LRRC27: variants seen among roughly 807,000 people sequenced by gnomAD.
LRRC27 encodes leucine-rich repeat-containing protein 27.
A neutral mutation model predicts 55.0 loss-of-function variants in LRRC27; 57 were observed. The observed-to-expected ratio is 1.04, with a 90% CI of 0.84 to 1.29. LRRC27 has a LOEUF of 1.29. LRRC27 is among the 50% of genes most tolerant of loss of function. The pLI is 0.00. For missense variants in LRRC27, 721 were observed against 651.5 expected (o/e 1.11, Z -1.16); for synonymous variants, 278 against 251.9 (o/e 1.10, Z -0.98).
chr10:132,352,724 C>G (rs1318214979), intron 7 of LRRC27, among the ~76,000 whole-genome samples: 1 of 151,794 alleles, frequency 6.6e-6, no homozygotes, highest in Non-Finnish European at 1.5e-5. Context: ...CAGGGCGTTG[C>G]GTGCATGGGC....
At chr10:132,357,521 G>A (rs1457223693) in intron 8 of LRRC27, among the ~76,000 whole-genome samples, 1 of 152,228 alleles carries the variant, frequency 6.6e-6, no homozygotes, top group African/African-American at 2.4e-5. Flanking sequence ...TGGCTTGCAA[G>A]TGTCTTGAAG....
In LRRC27 at chr10:132,361,594, C is replaced by T. The variant is rs111322424; in HGVS notation, c.1289+19C>T. On this transcript the variant is annotated intron_variant, in intron 9 of 10. Coordinates refer to ENST00000368614, the MANE Select transcript of LRRC27 (RefSeq NM_030626.3). ...AAATGAGGTTGGTAACTGCAACTGG[C>T]ACTCAGTCCTTCCAGGGCTCAGCCA... 3.2e-6 allele frequency: 5 copies of T among 1,562,144 alleles called. No individual in the cohort carries two copies. In the East Asian group the frequency reaches 9.0e-5, roughly 28 times the overall value.
chr10:132,355,980 A>T (rs1310478554), intron 8 of LRRC27, 94 bp downstream of exon 8: 5 of 867,766 alleles, frequency 5.8e-6, no homozygotes, highest in Non-Finnish European at 7.3e-6. Flanking sequence ...ATGAGCCGAG[A>T]CCTGGGGGTG....
upstream of LRRC27, chr10:132,331,875 AGGCGCACC>A: frequency 8.1e-7 from 1 of 1,237,802 alleles, no homozygotes; most frequent in Non-Finnish European, 1.1e-6. Flanking sequence ...GTGCGTGCGC[AGGCGCACC>A]ACCCCCTGCC....
intron 3 of LRRC27, among the ~76,000 whole-genome samples, chr10:132,337,919 C>A (rs1180508471): frequency 6.6e-6 from 1 of 152,230 alleles, no homozygotes; most frequent in Non-Finnish European, 1.5e-5. Context: ...GCCACAGTGT[C>A]TTTTTGCTGG....
chr10:132,332,635 G>C (rs1199661075), intron 1 of LRRC27: 1 of 152,128 alleles, frequency 6.6e-6, no homozygotes, highest in Non-Finnish European at 1.5e-5. Flanking sequence ...GTGATTCGGA[G>C]AAAACAAGTG....
Position 132,355,983 on chromosome 10 carries a change from T to C in LRRC27, c.1170+97T>C. ...TGTCCATGGAGGATGAGCCGAGACC[T>C]GGGGGTGTGGGTGGGTGCTCACACG... On this transcript the variant is annotated intron_variant, in intron 8 of 10. Coordinates refer to ENST00000368614, the MANE Select transcript of LRRC27 (RefSeq NM_030626.3). The C allele has an allele frequency of 3.7e-6, 3 of 817,570 alleles. No homozygotes were observed. In the South Asian group the frequency reaches 4.7e-5, roughly 13 times the overall value. 50.6% of individuals were successfully genotyped at this position (817,570 alleles called of 1,614,324 possible). A position where few individuals can be genotyped will look rare whatever the true frequency, so the allele number is the denominator to read the frequency against.
intron 8 of LRRC27, among the ~76,000 whole-genome samples, chr10:132,360,580 C>T (rs1366668125): frequency 1.3e-5 from 2 of 152,070 alleles, no homozygotes; most frequent in Admixed American, 6.5e-5. Flanking sequence ...GTCCTCCCTG[C>T]CTCCCATCTT....
chr10:132,347,870 A>G lies in LRRC27; in HGVS notation c.554-114A>G, dbSNP rs1298748102. ...TGGATTGACAGGGAACGTGGCAGCC[A>G]TGGAGGATCTGGGCACCCCACCCCC... On this transcript the variant is annotated intron_variant, in intron 5 of 10. Coordinates refer to ENST00000368614, the MANE Select transcript of LRRC27 (RefSeq NM_030626.3). The G allele has an allele frequency of 9.2e-6, 12 of 1,308,596 alleles. No homozygotes were observed. The African/African-American group carries it at 1.3e-4, about 15-fold the overall frequency. The allele number at this position is 1,308,596 out of a possible 1,614,324, so 81.1% of individuals were successfully genotyped here.
In LRRC27 at chr10:132,333,661, C is replaced by T. The variant is rs2066950052; in HGVS notation, c.137C>T (p.Ser46Phe). Residue 46 changes from serine (S) to phenylalanine (F), a missense_variant, in exon 2 of 11, where the codon TCC (serine) becomes TTC (phenylalanine). Transcript: ENST00000368614. ...HKGVGGIIFS[S>F]SPILDLSESG... Reference sequence around the variant, plus strand: ...GGTGTTGGAGGCATCATCTTTTCCTCCTCACCGATTTTAGACTTGAGTGAA... The same window carrying T: ...GGTGTTGGAGGCATCATCTTTTCCTTCTCACCGATTTTAGACTTGAGTGAA... 1.9e-6 allele frequency: 3 copies of T among 1,613,758 alleles called. No homozygotes were observed. The African/African-American group carries it at 4.0e-5, about 22-fold the overall frequency.
chr10:132,353,430 C>T, intron 7 of LRRC27: 1 of 1,019,512 alleles, frequency 9.8e-7, no homozygotes, highest in African/African-American at 1.7e-5. Context: ...CTCTCGGGAC[C>T]ATGTGATAGG....
chr10:132,344,088 A>G (rs998018616), intron 4 of LRRC27, among the ~76,000 whole-genome samples: 7 of 152,216 alleles, frequency 4.6e-5, no homozygotes, highest in Non-Finnish European at 8.8e-5. Flanking sequence ...TAAACCCAAC[A>G]TCTGGGCCTC....
In LRRC27 at chr10:132,360,198, C is replaced by G. The variant is rs147048088; in HGVS notation, c.1171-1259C>G. On this transcript the variant is annotated intron_variant, in intron 8 of 10. Coordinates refer to ENST00000368614, the MANE Select transcript of LRRC27 (RefSeq NM_030626.3). ...GCAACCTCTGCCTCCCAGGTTCAAG[C>G]GATTTTCCTGCCTCAGCCTCCTGAG... Among the ~76,000 whole-genome samples the G allele has an allele frequency of 8.6e-3, 1,305 of 152,280 alleles. 12 individuals carry two copies. Among genetic ancestry groups the G allele is most frequent in the Non-Finnish European group, 0.014 (945 of 68,022 alleles).
At chr10:132,367,001 A>C in intron 10 of LRRC27, 3 of 1,218,852 alleles carry the variant, frequency 2.5e-6, no homozygotes, top group Non-Finnish European at 3.2e-6. Context: ...TTCTTTCTAA[A>C]TCCATCGTTT....
At chr10:132,331,782 G>A (rs368777372), upstream of LRRC27, 1 of 1,607,842 alleles carries the variant, frequency 6.2e-7, no homozygotes. Flanking sequence ...CGCCCCTCCA[G>A]ACCCTCGCGG....
chr10:132,337,073 A>G (rs1415930626), intron 2 of LRRC27: 5 of 1,288,094 alleles, frequency 3.9e-6, no homozygotes, highest in South Asian at 1.9e-5. Context: ...CGTAGAGAAC[A>G]CCACGGCAGA....
intron 10 of LRRC27, among the ~76,000 whole-genome samples, chr10:132,369,124 A>G (rs752149390): frequency 6.6e-6 from 1 of 152,212 alleles, no homozygotes. Context: ...CTCACCACCA[A>G]ATGCTGGTGA....
intron 3 of LRRC27, among the ~76,000 whole-genome samples, chr10:132,340,741 G>A (rs115968119): frequency 0.011 from 1,721 of 151,848 alleles, 34 homozygotes; most frequent in African/African-American, 0.033. Flanking sequence ...CGAGGTGGGC[G>A]GATCACAAGG....
chr10:132,332,466 G>T (rs1023014937), intron 1 of LRRC27: 1 of 152,306 alleles, frequency 6.6e-6, no homozygotes, highest in Non-Finnish European at 1.5e-5. Flanking sequence ...GGGAGCGGGG[G>T]TGGGCGTGCG....
Sources: gnomAD v4.1 joint callset for allele counts (sites outside exome capture counted in the v4.1 genomes callset) on GRCh38, gnomAD v4.1.1 for gene constraint, MANE v1.5 for transcripts, NCBI Gene and HGNC (gene_info 2026-07-23, HGNC 2026-07-21) for gene names.